Variants in ABLIM1 observed in about 807,000 individuals in gnomAD.
ABLIM1 encodes the protein actin binding LIM protein 1.
ABLIM1 carries 40 observed loss-of-function variants against 107.0 expected under a neutral mutation model. The observed-to-expected ratio is 0.37, with a 90% CI of 0.29 to 0.49. The LOEUF is 0.49. Ranked by LOEUF, ABLIM1 falls within the 20% of genes least tolerant of loss-of-function variation. The pLI is 0.97. For missense variants in ABLIM1, 857 were observed against 1,008.5 expected (o/e 0.85, Z 2.04); for synonymous variants, 357 against 357.3 (o/e 1.00, Z 0.01).
chr10:114,623,905 C>T (rs1355232479), intron 1 of ABLIM1, among the ~76,000 whole-genome samples: 2 of 152,208 alleles, frequency 1.3e-5, no homozygotes, highest in Non-Finnish European at 2.9e-5. Flanking sequence ...CCCTGTTCCA[C>T]CCCCAGGGGA....
At chr10:114,549,865 C>T (rs2067833171) in intron 4 of ABLIM1, among the ~76,000 whole-genome samples, 1 of 152,110 alleles carries the variant, frequency 6.6e-6, no homozygotes, top group African/African-American at 2.4e-5. Context: ...GAACAGTAAG[C>T]ATAGCATAAG....
intron 6 of ABLIM1, among the ~76,000 whole-genome samples, chr10:114,533,589 T>A (rs2065668777): frequency 6.6e-6 from 1 of 152,232 alleles, no homozygotes; most frequent in African/African-American, 2.4e-5. Flanking sequence ...AAAATCTCTC[T>A]TGAACTCAGG....
At chr10:114,769,505 A>AAG (rs1167793588), upstream of ABLIM1, among the ~76,000 whole-genome samples, 242 of 149,600 alleles carry the variant, frequency 1.6e-3, no homozygotes, top group Middle Eastern at 0.022. Context: ...GAAGGAAGAG[A>AAG]GAGAAGGAAG....
At chr10:114,471,409 A>G (rs1348170177) in intron 10 of ABLIM1, among the ~76,000 whole-genome samples, 1 of 152,116 alleles carries the variant, frequency 6.6e-6, no homozygotes, top group Non-Finnish European at 1.5e-5. Context: ...TCCAAGGCCA[A>G]TCTCTATGCA....
At chr10:114,768,026 G>C in intron 1 of ABLIM1, 1 of 428,772 alleles carries the variant, frequency 2.3e-6, no homozygotes, top group South Asian at 1.6e-5. Context: ...GGCCCGCCGG[G>C]GTCAGTGGAC....
chr10:114,560,976 G>GCA (rs970649361), intron 4 of ABLIM1, among the ~76,000 whole-genome samples: 2 of 152,290 alleles, frequency 1.3e-5, no homozygotes, highest in African/African-American at 4.8e-5. Flanking sequence ...TTGTACAAAA[G>GCA]CACATTTGCA....
At chr10:114,512,459 T>C (rs1211566630) in intron 6 of ABLIM1, among the ~76,000 whole-genome samples, 1 of 152,174 alleles carries the variant, frequency 6.6e-6, no homozygotes, top group Non-Finnish European at 1.5e-5. Context: ...GAAGGGACAA[T>C]GTCTAACTAT....
chr10:114,767,619 T>A (rs2082929432), intron 1 of ABLIM1, among the ~76,000 whole-genome samples: 1 of 152,048 alleles, frequency 6.6e-6, no homozygotes, highest in South Asian at 2.1e-4. Flanking sequence ...ATTTACTTTT[T>A]TTTTTTTTAA....
At chr10:114,617,797 C>A (rs1271218996) in intron 1 of ABLIM1, among the ~76,000 whole-genome samples, 1 of 152,052 alleles carries the variant, frequency 6.6e-6, no homozygotes, top group Non-Finnish European at 1.5e-5. Flanking sequence ...GGGTTTTTTA[C>A]CCCATATTTA....
At chr10:114,571,484 C>G in intron 3 of ABLIM1, 78 bp from the exon 4 acceptor site, 1 of 1,362,420 alleles carries the variant, frequency 7.3e-7, no homozygotes, top group African/African-American at 1.4e-5. Flanking sequence ...GCTTGCTGCC[C>G]TCCGGTGCCC....
intron 1 of ABLIM1, among the ~76,000 whole-genome samples, chr10:114,666,269 A>C (rs2141320217): frequency 6.6e-6 from 1 of 152,312 alleles, no homozygotes; most frequent in East Asian, 1.9e-4. Context: ...CTTATTCTTT[A>C]AGACTTTACC....
At chr10:114,612,306 A>G (rs536937228) in intron 1 of ABLIM1, among the ~76,000 whole-genome samples, 4 of 152,148 alleles carry the variant, frequency 2.6e-5, no homozygotes, top group Non-Finnish European at 5.9e-5. Flanking sequence ...TCGCTCTCAC[A>G]CCCTAGTTTG....
chr10:114,518,399 A>G (rs1027518171), intron 6 of ABLIM1, among the ~76,000 whole-genome samples: 5 of 151,948 alleles, frequency 3.3e-5, no homozygotes, highest in Non-Finnish European at 5.9e-5. Context: ...AATGGGCCAG[A>G]TAGTACATAT....
intron 1 of ABLIM1, among the ~76,000 whole-genome samples, chr10:114,614,087 T>A (rs1304833071): frequency 1.3e-5 from 2 of 152,080 alleles, no homozygotes; most frequent in African/African-American, 4.8e-5. Flanking sequence ...AACATGGGAC[T>A]GGGAGGAGAA....
At chr10:114,616,726 C>T (rs1033279327) in intron 1 of ABLIM1, among the ~76,000 whole-genome samples, 1 of 152,206 alleles carries the variant, frequency 6.6e-6, no homozygotes, top group African/African-American at 2.4e-5. Context: ...AACTCCATCT[C>T]ATTGGACACA....
At chr10:114,676,727 T>A (rs2080503688) in intron 1 of ABLIM1, among the ~76,000 whole-genome samples, 1 of 152,104 alleles carries the variant, frequency 6.6e-6, no homozygotes, top group Non-Finnish European at 1.5e-5. Flanking sequence ...TAATCATATG[T>A]ATATAAAATC....
intron 1 of ABLIM1, among the ~76,000 whole-genome samples, chr10:114,723,894 A>G (rs1029334768): frequency 6.6e-6 from 1 of 152,202 alleles, no homozygotes; most frequent in African/African-American, 2.4e-5. Flanking sequence ...CTCCATTTAC[A>G]TATTCATTTC....
intron 1 of ABLIM1, among the ~76,000 whole-genome samples, chr10:114,630,645 G>C (rs528662986): frequency 5.9e-5 from 9 of 152,234 alleles, no homozygotes; most frequent in Non-Finnish European, 1.3e-4. Context: ...AAGCAACAAG[G>C]ATCATCTTGA....
At chr10:114,510,648 A>T (rs2061717805) in intron 6 of ABLIM1, among the ~76,000 whole-genome samples, 1 of 103,996 alleles carries the variant, frequency 9.6e-6, no homozygotes, top group Non-Finnish European at 1.8e-5. Context: ...TTTTTATTTT[A>T]TTTTATTATT....
Sources: allele counts gnomAD v4.1 joint callset (sites outside exome capture counted in the v4.1 genomes callset), GRCh38; gene constraint gnomAD v4.1.1; transcripts MANE v1.5; gene names NCBI Gene and HGNC (gene_info 2026-07-23, HGNC 2026-07-21).